ITGAV: variants seen among roughly 807,000 people sequenced by gnomAD.
The protein encoded by ITGAV is integrin subunit alpha V, also known as integrin alpha-V.
A neutral mutation model predicts 143.8 loss-of-function variants in ITGAV; 76 were observed. That is an observed-to-expected ratio of 0.53 (90% CI 0.44 to 0.64). The LOEUF (loss-of-function observed/expected upper bound fraction) is 0.64, where lower values mean the gene tolerates loss of function less well. Among genes scored for constraint, ITGAV ranks in the 30% least tolerant of loss-of-function variants. ITGAV has a pLI of 0.00. For missense variants in ITGAV, 1,193 were observed against 1,274.7 expected (o/e 0.94, Z 0.98); for synonymous variants, 453 against 446.7 (o/e 1.01, Z -0.18).
chr2:186,677,639 T>TTG lies in ITGAV; in HGVS notation c.*348_*349insGT, dbSNP rs111276487. 5.3e-6 allele frequency: 1 copy of TTG among 188,284 alleles called. No homozygotes were observed. The highest frequency in any genetic ancestry group is 2.4e-5 in the African/African-American group (1 of 41,792). The allele number at this position is 188,284 out of a possible 1,614,324, so 11.7% of individuals were successfully genotyped here. ...TTCTGATTTAATGTACGGAACTTTA[T>TTG]TTGTTGTTGTTGTTGTTGTTGTTGT... On this transcript the variant is annotated 3_prime_UTR_variant, in exon 30 of 30. Transcript: ENST00000261023.
At chr2:186,617,893 T>A (rs1687411405) in intron 2 of ITGAV, among the ~76,000 whole-genome samples, 1 of 152,214 alleles carries the variant, frequency 6.6e-6, no homozygotes, top group Non-Finnish European at 1.5e-5. Context: ...AGCCCTTGAG[T>A]TTCTGCAGTT....
intron 24 of ITGAV, among the ~76,000 whole-genome samples, chr2:186,668,218 T>TATATATATATA (rs1688967896): frequency 4.8e-5 from 1 of 20,718 alleles, no homozygotes; most frequent in Non-Finnish European, 9.4e-5. Flanking sequence ...ATATATATAT[T>TATATATATATA]TTTTTTTTTT....
At chr2:186,637,034 T>C (rs2105705136) in intron 7 of ITGAV, 31 bp from the exon 8 acceptor site, 1 of 1,601,634 alleles carries the variant, frequency 6.2e-7, no homozygotes, top group East Asian at 2.2e-5. Flanking sequence ...GTCCTTGTCC[T>C]GATGGTTCTC....
In ITGAV at chr2:186,646,826, T is replaced by C. The variant is rs972807997; in HGVS notation, c.1300T>C (p.Phe434Leu). ...GGCTGCTCGAAGCATGCCACCAAGC[T>C]TTGGCTATTCAATGAAAGGAGCCAC... ...QWAARSMPPS[F>L]GYSMKGATDI... The change falls in exon 13 of 30, where the codon TTT becomes CTT. Residue 434 changes from phenylalanine to leucine, a missense_variant. Physicochemically the swap from Phe to Leu is conservative, Grantham distance 22 (BLOSUM62 0). Transcript: ENST00000261023. 1 of 1,609,268 alleles carries C rather than the reference T, an allele frequency of 6.2e-7. No homozygotes were observed. Among genetic ancestry groups the C allele is most frequent in the Non-Finnish European group, 8.5e-7 (1 of 1,176,716 alleles).
rs761466974 is a variant in ITGAV, at chr2:186,646,903, C to G, written c.1351+26C>G. On this transcript the variant is annotated intron_variant, in intron 13 of 29. Transcript: ENST00000261023. ...GTGCTTTCTTATCAACACATAGAGC[C>G]CTTAGATTTTTCAGTCCTAATAGCA... 6.1e-6 allele frequency: 9 copies of G among 1,484,392 alleles called. No homozygotes were observed. In the South Asian group the frequency reaches 1.2e-4, roughly 20 times the overall value. The allele number at this position is 1,484,392 out of a possible 1,614,324, so 92.0% of individuals were successfully genotyped here.
At chr2:186,612,074 C>T (rs529583673) in intron 2 of ITGAV, among the ~76,000 whole-genome samples, 2 of 152,114 alleles carry the variant, frequency 1.3e-5, no homozygotes, top group Admixed American at 6.5e-5. Context: ...TAAATAAATA[C>T]GGAAAAGGAA....
At chr2:186,618,589 C>G (rs1035875201) in intron 2 of ITGAV, among the ~76,000 whole-genome samples, 3 of 151,966 alleles carry the variant, frequency 2.0e-5, no homozygotes, top group South Asian at 2.1e-4. Context: ...GTTGTGCCAC[C>G]GTATACAAAT....
Position 186,641,329 on chromosome 2 carries a change from T to C in ITGAV, c.957-57T>C. 2 of 1,355,968 alleles carry C rather than the reference T, an allele frequency of 1.5e-6. 1 individual carries two copies. Among genetic ancestry groups the C allele is most frequent in the Middle Eastern group, 3.6e-4 (2 of 5,498 alleles). The allele number at this position is 1,355,968 out of a possible 1,614,324, so 84.0% of individuals were successfully genotyped here. A position where few individuals can be genotyped will look rare whatever the true frequency, so the allele number is the denominator to read the frequency against. ...AAGTGAGTTGTAGTAAGAAAGAAAATGCCTACTAAGACATGAAATTTGTTC... is the reference window on the plus strand; with the variant it reads ...AAGTGAGTTGTAGTAAGAAAGAAAACGCCTACTAAGACATGAAATTTGTTC... On this transcript the variant is annotated intron_variant, in intron 11 of 29. Transcript: ENST00000261023.
intron 1 of ITGAV, among the ~76,000 whole-genome samples, chr2:186,601,333 T>C (rs983352757): frequency 6.6e-6 from 1 of 151,920 alleles, no homozygotes; most frequent in Non-Finnish European, 1.5e-5. Context: ...TGGTGGCATA[T>C]GCCTGTAGTT....
At chr2:186,633,483 ATACAAT>A (rs1687872247) in intron 6 of ITGAV, 109 bp downstream of exon 6, 1 of 542,874 alleles carries the variant, frequency 1.8e-6, no homozygotes, top group African/African-American at 1.9e-5. Flanking sequence ...AGAAATGGAA[ATACAAT>A]TAAAGTATAT....
At chr2:186,645,823 T>C (rs1027840855) in intron 12 of ITGAV, among the ~76,000 whole-genome samples, 1 of 151,142 alleles carries the variant, frequency 6.6e-6, no homozygotes, top group African/African-American at 2.4e-5. Flanking sequence ...ACAAAAAAAA[T>C]TAGCCGGGCA....
intron 24 of ITGAV, among the ~76,000 whole-genome samples, chr2:186,668,329 G>A (rs1244267984): frequency 2.1e-5 from 3 of 142,702 alleles, no homozygotes; most frequent in East Asian, 2.2e-4. Context: ...GGGTTCAAGC[G>A]ATTCTCCTGC....
At position 186,646,821 on chromosome 2, in the gene ITGAV, C is replaced by A; in HGVS notation, c.1295C>A (p.Pro432Gln). 6.2e-7 allele frequency: 1 copy of A among 1,610,616 alleles called. No homozygotes were observed. Among genetic ancestry groups the A allele is most frequent in the South Asian group, 1.1e-5 (1 of 90,574 alleles). ...CAGTGGGCTGCTCGAAGCATGCCAC[C>A]AAGCTTTGGCTATTCAATGAAAGGA... ...EGQWAARSMP[P>Q]SFGYSMKGAT... Residue 432 changes from proline (P) to glutamine (Q), a missense_variant, in exon 13 of 30, where the codon CCA becomes CAA. Coordinates refer to ENST00000261023, the MANE Select transcript of ITGAV (RefSeq NM_002210.5).
At chr2:186,611,543 T>A (rs918689902) in intron 2 of ITGAV, among the ~76,000 whole-genome samples, 3 of 152,144 alleles carry the variant, frequency 2.0e-5, no homozygotes, top group African/African-American at 7.2e-5. Context: ...CTGCAAGCTA[T>A]GCTGAGGCAA....
In ITGAV at chr2:186,593,948, A is replaced by T. The variant is rs963628443; in HGVS notation, c.185+3425A>T. 7.2e-5 allele frequency among the ~76,000 whole-genome samples: 11 copies of T among 152,306 alleles called. No homozygotes were observed. In the East Asian group the frequency reaches 1.9e-3, roughly 27 times the overall value. On this transcript the variant is annotated intron_variant, in intron 1 of 29. Transcript: ENST00000261023. ...CAGTTCTCATTTTATGTATTTCTTT[A>T]TTTTAAAATAATGCTATAATGAATG... is the stretch of plus-strand genomic sequence containing the variant.
chr2:186,656,736 C>G (rs577256545), intron 17 of ITGAV, among the ~76,000 whole-genome samples: 1 of 151,906 alleles, frequency 6.6e-6, no homozygotes, highest in Non-Finnish European at 1.5e-5. Context: ...TGGCAAAAAT[C>G]TGAATTGTGA....
intron 14 of ITGAV, 21 bp from the exon 15 acceptor site, chr2:186,651,961 T>A: frequency 1.4e-6 from 2 of 1,445,090 alleles, no homozygotes; most frequent in South Asian, 2.4e-5. Flanking sequence ...TTACTTCATC[T>A]TCTTTTCCCT....
intron 24 of ITGAV, 28 bp from the exon 25 acceptor site, chr2:186,668,734 G>A (rs200546834): frequency 7.5e-6 from 12 of 1,607,248 alleles, no homozygotes; most frequent in Non-Finnish European, 1.0e-5. Flanking sequence ...TGCCCAAGGT[G>A]TAGATACATT....
chr2:186,659,151 C>T lies in ITGAV; in HGVS notation c.1833C>T (p.Phe611=), dbSNP rs199728735. 64 of 1,610,168 alleles carry T rather than the reference C, an allele frequency of 4.0e-5. No homozygotes were observed. The highest frequency in any genetic ancestry group is 5.3e-5 in the Non-Finnish European group (62 of 1,177,996). Residue 611 remains phenylalanine, a synonymous_variant, in exon 18 of 30, where the codon TTC becomes TTT. Coordinates refer to ENST00000261023, the MANE Select transcript of ITGAV (RefSeq NM_002210.5). ...GCTTGCAACCCATTCTTAACCAGTT[C>T]ACGCCTGCTAACATTAGTCGACAGG... ...TTGLQPILNQ[F]TPANISRQAH...
Sources: allele counts gnomAD v4.1 joint callset (sites outside exome capture counted in the v4.1 genomes callset), GRCh38; gene constraint gnomAD v4.1.1; transcripts MANE v1.5; gene names NCBI Gene and HGNC (gene_info 2026-07-23, HGNC 2026-07-21).